ARHGAP42: variants seen among roughly 807,000 people sequenced by gnomAD.
ARHGAP42 encodes rho GTPase-activating protein 42.
ARHGAP42 carries 63 observed loss-of-function variants against 125.0 expected under a neutral mutation model. The ratio of observed to expected loss-of-function variants is 0.50; its 90% CI spans 0.41 to 0.62. The LOEUF is 0.62. ARHGAP42 is among the 20% of genes least tolerant of loss of function. ARHGAP42 has a pLI of 0.00. For missense variants in ARHGAP42, 766 were observed against 1,024.2 expected (o/e 0.75, Z 3.44); for synonymous variants, 339 against 351.0 (o/e 0.97, Z 0.38).
At chr11:100,869,813 A>G (rs1383381788) in intron 4 of ARHGAP42, among the ~76,000 whole-genome samples, 1 of 152,190 alleles carries the variant, frequency 6.6e-6, no homozygotes, top group African/African-American at 2.4e-5. Flanking sequence ...ATTTGATGGT[A>G]CTTACATTGT....
chr11:100,966,325 G>A (rs1858093594), intron 17 of ARHGAP42, among the ~76,000 whole-genome samples: 1 of 152,078 alleles, frequency 6.6e-6, no homozygotes, highest in South Asian at 2.1e-4. Context: ...AATAGTGTGT[G>A]TGTACATATA....
At position 100,976,084 on chromosome 11, in the gene ARHGAP42, G is replaced by A; in HGVS notation, c.1883G>A (p.Ser628Asn). ...DSDSYSSSPD[S>N]TPMGSIESLS... is the part of the protein sequence containing the mutation. ...GACTCCTATAGCAGCAGCCCAGACA[G>A]CACACCTATGGGGAGCATTGAGTCA... The change falls in exon 20 of 24, where the codon AGC becomes AAC. Residue 628 changes from serine to asparagine, a missense_variant. By Grantham distance (46) the Ser-to-Asn change is conservative (BLOSUM62 1). Transcript: ENST00000298815. 6.5e-7 allele frequency: 1 copy of A among 1,541,082 alleles called. No homozygotes were observed. The highest frequency in any genetic ancestry group is 8.8e-7 in the Non-Finnish European group (1 of 1,141,758).
intron 1 of ARHGAP42, among the ~76,000 whole-genome samples, chr11:100,754,243 T>C (rs1485149970): frequency 6.6e-6 from 1 of 152,206 alleles, no homozygotes. Context: ...TGAATACAGT[T>C]TTTACCATTC....
intron 1 of ARHGAP42, among the ~76,000 whole-genome samples, chr11:100,763,884 G>C (rs962625073): frequency 6.6e-6 from 1 of 152,186 alleles, no homozygotes; most frequent in Non-Finnish European, 1.5e-5. Context: ...AGCTCTCATA[G>C]AGTCCAACAC....
intron 2 of ARHGAP42, among the ~76,000 whole-genome samples, chr11:100,787,042 C>T (rs1374039611): frequency 6.6e-6 from 1 of 151,992 alleles, no homozygotes; most frequent in East Asian, 1.9e-4. Context: ...TTTTGGGAGG[C>T]CGAGGCGGGT....
At chr11:100,853,914 G>GA (rs150872695) in intron 3 of ARHGAP42, among the ~76,000 whole-genome samples, 40,187 of 146,968 alleles carry the variant, frequency 0.27, 5,613 homozygotes, top group Non-Finnish European at 0.32. Flanking sequence ...CTAATTCATT[G>GA]AAAAAAAAAA....
At chr11:100,725,415 C>A (rs1778722143) in intron 1 of ARHGAP42, among the ~76,000 whole-genome samples, 1 of 151,714 alleles carries the variant, frequency 6.6e-6, no homozygotes, top group Non-Finnish European at 1.5e-5. Flanking sequence ...GTGATCTGCC[C>A]ACCTCGGCCT....
chr11:100,795,072 T>G, intron 2 of ARHGAP42, 33 bp from the exon 3 acceptor site: 7 of 1,487,010 alleles, frequency 4.7e-6, no homozygotes, highest in Non-Finnish European at 6.3e-6. Context: ...ATGAAAATAT[T>G]AATTCTTTGC....
rs1171400287 is a variant in ARHGAP42, at chr11:100,993,805, A to C, written c.*5004A>C. On this transcript the variant is annotated 3_prime_UTR_variant, in exon 24 of 24. Coordinates refer to ENST00000298815, the MANE Select transcript of ARHGAP42 (RefSeq NM_152432.4). ...TTCTGTATTTATCTGCACTTTGTGT[A>C]TATATACACACATACATATGCCAAC... The C allele has an allele frequency of 2.4e-5, 4 of 167,160 alleles. No individual in the cohort carries two copies. The highest frequency in any genetic ancestry group is 9.6e-5 in the African/African-American group (4 of 41,574). The allele number at this position is 167,160 out of a possible 1,614,324, so 10.4% of individuals were successfully genotyped here.
intron 1 of ARHGAP42, among the ~76,000 whole-genome samples, chr11:100,738,846 C>T (rs1862120186): frequency 6.6e-6 from 1 of 152,162 alleles, no homozygotes; most frequent in African/African-American, 2.4e-5. Context: ...ACAAACTGTG[C>T]CCGTTGCATT....
At chr11:100,975,034 A>C (rs572096071) in intron 19 of ARHGAP42, among the ~76,000 whole-genome samples, 1 of 152,286 alleles carries the variant, frequency 6.6e-6, no homozygotes, top group Admixed American at 6.5e-5. Context: ...AACACACATT[A>C]TCATCAACTT....
intron 1 of ARHGAP42, among the ~76,000 whole-genome samples, chr11:100,733,825 GAAAAAAAAAAA>G (rs551074447): frequency 1.3e-4 from 4 of 31,384 alleles, no homozygotes; most frequent in African/African-American, 3.9e-4. Context: ...ATTCTGTCTG[GAAAAAAAAAAA>G]AAAAAAAAAA....
chr11:100,778,146 C>G (rs903524702), intron 2 of ARHGAP42, among the ~76,000 whole-genome samples: 4 of 151,740 alleles, frequency 2.6e-5, no homozygotes, highest in African/African-American at 9.7e-5. Flanking sequence ...GTACTGCAGC[C>G]TGGGTAACAT....
chr11:100,877,311 A>G lies in ARHGAP42; in HGVS notation c.384+17686A>G, dbSNP rs187747515. Among the ~76,000 whole-genome samples, 298 of 152,288 alleles carry G rather than the reference A, an allele frequency of 2.0e-3. 1 individual carries two copies. The highest frequency in any genetic ancestry group is 2.3e-3 in the Non-Finnish European group (159 of 68,020). The stretch of plus-strand genomic sequence containing the variant: ...TCTTTTCTTGTCTCTTATGTTGCTT[A>G]CCTTACTTAGCCTCTGGGGAATTTG... On this transcript the variant is annotated intron_variant, in intron 4 of 23. Transcript: ENST00000298815.
intron 17 of ARHGAP42, 82 bp from the exon 18 acceptor site, chr11:100,973,093 G>C (rs1858295899): frequency 1.6e-6 from 2 of 1,255,846 alleles, no homozygotes; most frequent in East Asian, 5.2e-5. Flanking sequence ...TACATTTTTT[G>C]CACCACAAAT....
At chr11:100,962,099 A>G (rs765744220) in intron 15 of ARHGAP42, among the ~76,000 whole-genome samples, 1 of 151,986 alleles carries the variant, frequency 6.6e-6, no homozygotes, top group Non-Finnish European at 1.5e-5. Context: ...TTTTTTAACT[A>G]TTGTTCCCAT....
At position 100,993,436 on chromosome 11, in the gene ARHGAP42, C is replaced by T. The variant is rs1338021629; in HGVS notation, c.*4635C>T. On this transcript the variant is annotated 3_prime_UTR_variant, in exon 24 of 24. Coordinates refer to ENST00000298815, the MANE Select transcript of ARHGAP42 (RefSeq NM_152432.4). ...CCTCCTTTTTGCAGAGAACGATCCC[C>T]ACAGGAACTGGTCTAAGAACACTGT... The T allele has an allele frequency of 6.0e-6, 1 of 166,986 alleles. No homozygotes were observed. Among genetic ancestry groups the T allele is most frequent in the Non-Finnish European group, 1.5e-5 (1 of 68,102 alleles). 10.3% of individuals were successfully genotyped at this position (166,986 alleles called of 1,614,324 possible).
At chr11:100,784,466 G>A (rs1260748413) in intron 2 of ARHGAP42, among the ~76,000 whole-genome samples, 1 of 152,104 alleles carries the variant, frequency 6.6e-6, no homozygotes, top group Admixed American at 6.5e-5. Flanking sequence ...TCCTTATATG[G>A]GTATGTAAGA....
At chr11:100,759,476 T>G (rs2120354451) in intron 1 of ARHGAP42, among the ~76,000 whole-genome samples, 1 of 152,306 alleles carries the variant, frequency 6.6e-6, no homozygotes, top group East Asian at 1.9e-4. Context: ...ATTTTCAAGG[T>G]CCTGTGTTGG....
Sources: allele counts gnomAD v4.1 joint callset (sites outside exome capture counted in the v4.1 genomes callset), GRCh38; gene constraint gnomAD v4.1.1; transcripts MANE v1.5; gene names NCBI Gene and HGNC (gene_info 2026-07-23, HGNC 2026-07-21).